The following EFHC1 variants were observed in gnomAD, a reference collection of about 807,000 sequenced individuals.
EFHC1 encodes the protein EF-hand domain-containing protein 1.
In EFHC1, 53 loss-of-function variants were observed where a neutral mutation model predicts 69.9. The ratio of observed to expected loss-of-function variants is 0.76; its 90% confidence interval spans 0.61 to 0.95. The LOEUF (loss-of-function observed/expected upper bound fraction) is 0.95. Ranked by LOEUF, EFHC1 falls within the 40% of genes least tolerant of loss-of-function variation. EFHC1 has a pLI of 0.00. For synonymous variants in EFHC1, 256 were observed against 278.4 expected (o/e 0.92, Z 0.80); for missense variants, 739 against 798.7 (o/e 0.93, Z 0.90).
chr6:52,479,624 G>C lies in EFHC1; in HGVS notation c.1493-16G>C, dbSNP rs750763954. On this transcript the variant is annotated splice_polypyrimidine_tract_variant and intron_variant, in intron 8 of 10. Coordinates refer to ENST00000371068, the MANE Select transcript of EFHC1 (RefSeq NM_018100.4). Reference sequence around the variant, plus strand: ...AGAACATCACCAAGCTAAGTGTGTTGCTACCTTCTCTCCAGTGTTTGGTCA... The same window carrying C: ...AGAACATCACCAAGCTAAGTGTGTTCCTACCTTCTCTCCAGTGTTTGGTCA... 6.2e-7 allele frequency: 1 copy of C among 1,614,190 alleles called. No homozygotes were observed. The highest frequency in any genetic ancestry group is 8.5e-7 in the Non-Finnish European group (1 of 1,180,030).
chr6:52,430,820 T>C (rs1764397778), intron 2 of EFHC1, among the ~76,000 whole-genome samples: 1 of 152,196 alleles, frequency 6.6e-6, no homozygotes, highest in Admixed American at 6.5e-5. Context: ...CTTCTGTGAA[T>C]CTGTCTGGTC....
intron 5 of EFHC1, 151 bp downstream of exon 5, chr6:52,454,438 C>G (rs1764994457): frequency 2.1e-6 from 2 of 939,062 alleles, no homozygotes. Context: ...CAGCTTTCCT[C>G]CTTTACTTGC....
Position 52,462,281 on chromosome 6 carries a change from A to G in EFHC1, c.917-2614A>G, listed in dbSNP as rs200775017. On this transcript the variant is annotated intron_variant, in intron 5 of 10. Coordinates refer to ENST00000371068, the MANE Select transcript of EFHC1 (RefSeq NM_018100.4). ...TGGTAGCAAAAACTCTTAAAACTCT[A>G]AAAAAAAGAGGTACTTGGAGGAAAA... 2.6e-5 allele frequency among the ~76,000 whole-genome samples: 4 copies of G among 151,718 alleles called. No individual in the cohort carries two copies. The East Asian group carries it at 7.7e-4, about 29-fold the overall frequency.
At chr6:52,474,764 G>C (rs1177209322) in intron 7 of EFHC1, among the ~76,000 whole-genome samples, 2 of 152,142 alleles carry the variant, frequency 1.3e-5, no homozygotes, top group Non-Finnish European at 2.9e-5. Flanking sequence ...TACATATTAT[G>C]TAATTCATTT....
chr6:52,452,605 A>C, intron 3 of EFHC1, 83 bp from the exon 4 acceptor site: 1 of 1,519,350 alleles, frequency 6.6e-7, no homozygotes, highest in Non-Finnish European at 9.1e-7. Context: ...CCTGGCCCAT[A>C]CACTTATTTT....
chr6:52,448,939 G>A lies in EFHC1; in HGVS notation c.574-3749G>A, dbSNP rs140651564. The stretch of plus-strand genomic sequence containing the variant: ...TGCAGATATTTTGTTGAGGATATTT[G>A]CATTGATGTTCATCAAATATATTGG... On this transcript the variant is annotated intron_variant, in intron 3 of 10. Transcript: ENST00000371068. 5.5e-3 allele frequency among the ~76,000 whole-genome samples: 845 copies of A among 152,292 alleles called. 8 individuals carry two copies. The highest frequency in any genetic ancestry group is 0.019 in the African/African-American group (795 of 41,544).
In EFHC1 at chr6:52,438,428, T is replaced by C. The variant is rs1764583604; in HGVS notation, c.410T>C (p.Val137Ala). ...GACAGCATGTCTGTCATAGAGCCTG[T>C]TGTAGAAAATTCTGGAATCCTTCAA... is the stretch of plus-strand genomic sequence containing the variant. ...EDDSMSVIEP[V>A]VENSGILQGK... The change falls in exon 3 of 11, where the codon GTT becomes GCT. Residue 137 changes from valine to alanine, a missense_variant. Transcript: ENST00000371068. The C allele has an allele frequency of 6.2e-7, 1 of 1,613,972 alleles. No homozygotes were observed. The highest frequency in any genetic ancestry group is 1.1e-5 in the South Asian group (1 of 91,092).
At chr6:52,452,892 T>G in intron 4 of EFHC1, 55 bp downstream of exon 4, 1 of 1,612,032 alleles carries the variant, frequency 6.2e-7, no homozygotes, top group Non-Finnish European at 8.5e-7. Flanking sequence ...TGACCTACAT[T>G]TATTGGCAAA....
At chr6:52,488,092 T>C (rs1348883547) in intron 9 of EFHC1, 1 of 152,232 alleles carries the variant, frequency 6.6e-6, no homozygotes, top group Non-Finnish European at 1.5e-5. Context: ...TCTGGCTTCT[T>C]TGGGAAAGGG....
At chr6:52,453,413 TCTGTA>T in intron 4 of EFHC1, 1 of 1,287,210 alleles carries the variant, frequency 7.8e-7, no homozygotes, top group South Asian at 1.2e-5. Context: ...TCCTTCCCTT[TCTGTA>T]CTAAAGGGAG....
At chr6:52,479,618 T>G (rs1264897497) in intron 8 of EFHC1, 22 bp from the exon 9 acceptor site, 7 of 1,614,198 alleles carry the variant, frequency 4.3e-6, no homozygotes, top group Admixed American at 1.7e-5. Flanking sequence ...CCAAGCTAAG[T>G]GTGTTGCTAC....
chr6:52,474,070 C>T (rs1178104662), intron 7 of EFHC1, among the ~76,000 whole-genome samples: 1 of 152,158 alleles, frequency 6.6e-6, no homozygotes, highest in African/African-American at 2.4e-5. Flanking sequence ...CACCTGTTTT[C>T]CCAGCACTTT....
At chr6:52,459,529 A>G (rs757209511) in intron 5 of EFHC1, among the ~76,000 whole-genome samples, 19 of 152,230 alleles carry the variant, frequency 1.2e-4, no homozygotes, top group African/African-American at 1.7e-4. Context: ...TACCCACTAG[A>G]ATGTCCAAAA....
In EFHC1 at chr6:52,445,264, A is replaced by ATT. The variant is rs751432114; in HGVS notation, c.573+6683_573+6684dup. On this transcript the variant is annotated intron_variant, in intron 3 of 10. Coordinates refer to ENST00000371068, the MANE Select transcript of EFHC1 (RefSeq NM_018100.4). ...AAAAAACCAGCTCCTGGATTCATTG[A>ATT]TTTTTTTTTTTGGTTTTTTAATTAA... Among the ~76,000 whole-genome samples, 17 of 140,338 alleles carry ATT rather than the reference A, an allele frequency of 1.2e-4. 1 individual carries two copies. The highest frequency in any genetic ancestry group is 2.3e-4 in the South Asian group (1 of 4,388). The allele number at this position is 140,338 out of a possible 152,430, so 92.1% of individuals were successfully genotyped here. A position where few individuals can be genotyped will look rare whatever the true frequency, so the allele number is the denominator to read the frequency against.
At position 52,469,359 on chromosome 6, in the gene EFHC1, A is replaced by G. The variant is rs1285049638; in HGVS notation, c.1164A>G (p.Gly388=). The G allele has an allele frequency of 6.2e-7, 1 of 1,613,800 alleles. No individual in the cohort carries two copies. Among genetic ancestry groups the G allele is most frequent in the African/African-American group, 1.3e-5 (1 of 74,874 alleles). ...KQELPPYNGF[G]LVEDSAQNCF... ...AGTTGCCTCCTTATAACGGTTTTGGACTAGTGGAAGATTCTGCTCAGAATT... is the reference window on the plus strand; with the variant it reads ...AGTTGCCTCCTTATAACGGTTTTGGGCTAGTGGAAGATTCTGCTCAGAATT... Residue 388 remains glycine, a synonymous_variant, in exon 7 of 11, where the codon GGA becomes GGG. Coordinates refer to ENST00000371068, the MANE Select transcript of EFHC1 (RefSeq NM_018100.4).
intron 4 of EFHC1, chr6:52,453,664 A>T: frequency 7.9e-7 from 1 of 1,258,084 alleles, no homozygotes; most frequent in Non-Finnish European, 1.0e-6. Flanking sequence ...TATTGCTAGA[A>T]GATATGTGTT....
intron 9 of EFHC1, chr6:52,486,492 C>G (rs1765789042): frequency 6.6e-6 from 1 of 152,072 alleles, no homozygotes; most frequent in African/African-American, 2.4e-5. Flanking sequence ...TCAAGAGGAC[C>G]CTACTCACTT....
At chr6:52,466,997 C>T (rs568520700) in intron 6 of EFHC1, among the ~76,000 whole-genome samples, 1 of 152,130 alleles carries the variant, frequency 6.6e-6, no homozygotes. Flanking sequence ...TCTCTGCCCC[C>T]AAGTTTCTTG....
rs1326890558 is a variant in EFHC1 at position 52,495,143 on chromosome 6, C to T, written c.*2802C>T. 8 of 454,016 alleles carry T rather than the reference C, an allele frequency of 1.8e-5. No individual in the cohort carries two copies. Among genetic ancestry groups the T allele is most frequent in the Non-Finnish European group, 3.5e-5 (8 of 226,798 alleles). 28.1% of individuals were successfully genotyped at this position (454,016 alleles called of 1,614,324 possible). On this transcript the variant is annotated 3_prime_UTR_variant, in exon 11 of 11. Transcript: ENST00000371068. ...TTCCCAGGAGGCCCTTTCAGGCTGA[C>T]ACACCTTCCAGGGTGTGCACTCTCG...
Sources: allele counts gnomAD v4.1 joint callset (sites outside exome capture counted in the v4.1 genomes callset), GRCh38; gene constraint gnomAD v4.1.1; transcripts MANE v1.5; gene names NCBI Gene and HGNC (gene_info 2026-07-23, HGNC 2026-07-21).